Variants in RSF1 observed in about 807,000 individuals in gnomAD.
RSF1 encodes the protein HBV pX-associated protein 8.
Under a neutral mutation model 145.2 loss-of-function variants are expected in RSF1, and 13 were observed. That is an observed-to-expected ratio of 0.09 (90% CI 0.06 to 0.14). RSF1 has a LOEUF of 0.14. Ranked by LOEUF, RSF1 falls within the 10% of genes least tolerant of loss-of-function variation. RSF1 has a pLI of 1.00. For synonymous variants in RSF1, 577 were observed against 592.6 expected, an observed-to-expected ratio of 0.97 and a Z score of 0.38; for missense variants, 1,517 against 1,718.2, an observed-to-expected ratio of 0.88 and a Z score of 2.07.
chr11:77,758,349 T>C (rs1464149028), intron 2 of RSF1, among the ~76,000 whole-genome samples: 1 of 152,198 alleles, frequency 6.6e-6, no homozygotes. Flanking sequence ...GCAAAATCCA[T>C]CCATCTGTTG....
intron 11 of RSF1, among the ~76,000 whole-genome samples, chr11:77,681,244 A>AT: frequency 6.6e-6 from 1 of 152,320 alleles, no homozygotes; most frequent in East Asian, 1.9e-4. Flanking sequence ...CTAAAATCAT[A>AT]TATGACTAAA....
intron 5 of RSF1, among the ~76,000 whole-genome samples, chr11:77,710,472 A>G (rs1486493265): frequency 6.6e-6 from 1 of 152,060 alleles, no homozygotes; most frequent in Non-Finnish European, 1.5e-5. Flanking sequence ...TTTTTCTTGC[A>G]ATTTATTTGT....
chr11:77,734,831 G>T, intron 4 of RSF1: 1 of 1,592,170 alleles, frequency 6.3e-7, no homozygotes. Flanking sequence ...TTCTCAGCAT[G>T]CTCCCTCTCC....
At position 77,820,280 on chromosome 11, in the gene RSF1, C is replaced by A. The variant is rs564503591; in HGVS notation, c.187+248G>T. Among the ~76,000 whole-genome samples the A allele has an allele frequency of 2.0e-5, 3 of 152,336 alleles. No homozygotes were observed. In the South Asian group the frequency reaches 6.2e-4, roughly 32 times the overall value. ...GACCCCTCCCCGCCTCCAGCCCACA[C>A]CTAGCCCGCAACGCCTCCACCTCAG... On this transcript the variant is annotated intron_variant, in intron 1 of 15. Coordinates refer to ENST00000308488, the MANE Select transcript of RSF1 (RefSeq NM_016578.4).
intron 1 of RSF1, among the ~76,000 whole-genome samples, chr11:77,774,953 A>G (rs1213874870): frequency 6.7e-6 from 1 of 150,154 alleles, no homozygotes; most frequent in East Asian, 2.1e-4. Context: ...TTTTTAGTAC[A>G]GATGAGGTTT....
At chr11:77,734,970 G>A (rs927333150) in intron 4 of RSF1, 8 of 1,596,524 alleles carry the variant, frequency 5.0e-6, no homozygotes, top group African/African-American at 1.3e-5. Context: ...GGTTGATGGC[G>A]GCCTCTGAGT....
intron 8 of RSF1, chr11:77,691,531 T>C: frequency 8.2e-6 from 3 of 364,124 alleles, no homozygotes; most frequent in South Asian, 3.8e-5. Context: ...TGGTTCAACA[T>C]GTGTATGTAA....
At chr11:77,816,491 A>G (rs1369124070) in intron 1 of RSF1, among the ~76,000 whole-genome samples, 1 of 152,232 alleles carries the variant, frequency 6.6e-6, no homozygotes, top group African/African-American at 2.4e-5. Context: ...AAAATGAAAC[A>G]AAAAACTAAT....
intron 9 of RSF1, among the ~76,000 whole-genome samples, chr11:77,688,895 A>G (rs999622778): frequency 1.3e-5 from 2 of 152,140 alleles, no homozygotes; most frequent in African/African-American, 2.4e-5. Flanking sequence ...ACTGGGTAGT[A>G]AAAAAAACAA....
chr11:77,782,155 C>A (rs1396167822), intron 1 of RSF1, among the ~76,000 whole-genome samples: 1 of 151,956 alleles, frequency 6.6e-6, no homozygotes, highest in East Asian at 1.9e-4. Flanking sequence ...TCCACTCTAC[C>A]AATCTCATTT....
At position 77,678,134 on chromosome 11, in the gene RSF1, C is replaced by A; in HGVS notation, c.3085G>T (p.Ala1029Ser). ...TCATCTTCAATAGCTTCATCAATTG[C>A]TTCATCAAACTCATCAAATCTAAAA... ...ISYRFDEFDE[A>S]IDEAIEDDIK... Residue 1029 changes from alanine to serine, a missense_variant, in exon 12 of 16, where the codon GCA (alanine) becomes TCA (serine). Around this residue, in one of 12 missense-constraint regions of RSF1, gnomAD observed 231 missense variants for 276.6 expected, o/e 0.84. Transcript: ENST00000308488. The A allele has an allele frequency of 6.2e-7, 1 of 1,607,198 alleles. No homozygotes were observed. The highest frequency in any genetic ancestry group is 8.5e-7 in the Non-Finnish European group (1 of 1,176,514).
intron 1 of RSF1, among the ~76,000 whole-genome samples, chr11:77,782,334 A>C (rs1485438890): frequency 6.6e-6 from 1 of 152,190 alleles, no homozygotes; most frequent in Non-Finnish European, 1.5e-5. Context: ...TTTGGTCAGG[A>C]GCTGGAGACC....
At chr11:77,726,901 C>G (rs575109408) in intron 4 of RSF1, among the ~76,000 whole-genome samples, 1 of 152,216 alleles carries the variant, frequency 6.6e-6, no homozygotes, top group East Asian at 1.9e-4. Context: ...CTCATTAGGC[C>G]TCAGCTTTCT....
intron 4 of RSF1, chr11:77,735,102 G>A: frequency 1.2e-6 from 1 of 840,436 alleles, no homozygotes; most frequent in Admixed American, 2.0e-5. Flanking sequence ...CCTTGGGGCG[G>A]TCTGAGGGTG....
chr11:77,746,150 A>C (rs545362250), intron 3 of RSF1, among the ~76,000 whole-genome samples: 178 of 152,224 alleles, frequency 1.2e-3, no homozygotes, highest in African/African-American at 4.1e-3. Flanking sequence ...AATTTCTATA[A>C]CTTTGACTCG....
the RSF1 span, chr11:77,841,251 G>A: frequency 1.0e-5 from 7 of 702,108 alleles, no homozygotes; most frequent in South Asian, 3.0e-5. Context: ...TTGTTATAAT[G>A]GCAGTTAAAT....
intron 6 of RSF1, among the ~76,000 whole-genome samples, chr11:77,700,135 C>A (rs1960379493): frequency 6.6e-6 from 1 of 151,844 alleles, no homozygotes; most frequent in East Asian, 1.9e-4. Context: ...GACGGATCAC[C>A]AGGTCAAGAG....
At position 77,737,621 on chromosome 11, in the gene RSF1, G is replaced by GGGTGTGT. The variant is rs1491534916; in HGVS notation, c.578+3109_578+3110insACACACC. Among the ~76,000 whole-genome samples the GGGTGTGT allele has an allele frequency of 2.1e-4, 20 of 93,546 alleles. No homozygotes were observed. In the East Asian group the frequency reaches 3.7e-3, roughly 17 times the overall value. The allele number at this position is 93,546 out of a possible 152,430, so 61.4% of individuals were successfully genotyped here. Reference sequence around the variant, plus strand: ...GAAAGAAGTTTTATGTGTTTTGGGGGGTGTGTGTGTGTGTGTGTGTGTGTG... The same window carrying GGGTGTGT: ...GAAAGAAGTTTTATGTGTTTTGGGGGGGTGTGTGTGTGTGTGTGTGTGTGTGTGTGTG... On this transcript the variant is annotated intron_variant, in intron 4 of 15. Coordinates refer to ENST00000308488, the MANE Select transcript of RSF1 (RefSeq NM_016578.4).
At chr11:77,869,789 T>C in the RSF1 span, 19 of 1,613,872 alleles carry the variant, frequency 1.2e-5, no homozygotes, top group Non-Finnish European at 1.1e-5. Flanking sequence ...ACTCTTGTGA[T>C]TGGCCGAGGG....
Sources: gnomAD v4.1 joint callset for allele counts (sites outside exome capture counted in the v4.1 genomes callset) on GRCh38, gnomAD v4.1.1 for gene constraint, gnomAD v4.1.1 regional missense constraint, MANE v1.5 for transcripts, NCBI Gene and HGNC (gene_info 2026-07-23, HGNC 2026-07-21) for gene names.